The following OTC variants were observed in gnomAD, a reference collection of about 807,000 sequenced individuals.
OTC encodes ornithine transcarbamylase.
OTC carries 3 observed loss-of-function variants against 30.3 expected under a neutral mutation model. That is an observed-to-expected ratio of 0.10 (90% CI 0.05 to 0.26). OTC has a LOEUF of 0.26. Among genes scored for constraint, OTC ranks in the 10% least tolerant of loss-of-function variants. The pLI is 1.00. For missense variants in OTC, 194 were observed against 260.3 expected (o/e 0.75, Z 1.75); for synonymous variants, 111 against 99.7 (o/e 1.11, Z -0.67).
At chrX:38,383,669 A>C (rs906854933) in intron 4 of OTC, among the ~76,000 whole-genome samples, 3 of 110,972 alleles carry the variant, frequency 2.7e-5, no homozygotes, top group African/African-American at 6.6e-5. Context: ...GTGGTGGCGC[A>C]TGCCTGTAAT....
chrX:38,332,740 A>G, the OTC span, among the ~76,000 whole-genome samples: 1 of 108,449 alleles, frequency 9.2e-6, no homozygotes, highest in African/African-American at 3.3e-5. Context: ...GCTTAACACA[A>G]AGAAGTTTCT....
chrX:38,365,858 C>T (rs1432041760), intron 1 of OTC, among the ~76,000 whole-genome samples: 1 of 112,035 alleles, frequency 8.9e-6, no homozygotes, highest in African/African-American at 3.3e-5. Context: ...ATAAAAAAGA[C>T]CTAGCATGGT....
chrX:38,366,814 A>C (rs755970079), intron 1 of OTC, among the ~76,000 whole-genome samples: 4 of 111,949 alleles, frequency 3.6e-5, no homozygotes, highest in African/African-American at 1.3e-4. Context: ...GGACATACAA[A>C]ATATAAACCA....
At chrX:38,405,106 T>C (rs2068509501) in intron 6 of OTC, among the ~76,000 whole-genome samples, 1 of 110,569 alleles carries the variant, frequency 9.0e-6, no homozygotes, top group Non-Finnish European at 1.9e-5. Context: ...ACACTGAAAC[T>C]GGGGAAGGGA....
At chrX:38,392,647 A>G (rs761671316) in intron 4 of OTC, among the ~76,000 whole-genome samples, 1 of 112,366 alleles carries the variant, frequency 8.9e-6, no homozygotes, top group Non-Finnish European at 1.9e-5. Flanking sequence ...CTAATTGTCT[A>G]GTTAAGTGTC....
At chrX:38,337,038 C>T in the OTC span, among the ~76,000 whole-genome samples, 1 of 111,629 alleles carries the variant, frequency 9.0e-6, no homozygotes, top group Admixed American at 9.5e-5. Context: ...CGTTGGAAAG[C>T]CCCTTTATCT....
intron 6 of OTC, 122 bp from the exon 7 acceptor site, chrX:38,408,620 C>A: frequency 2.0e-6 from 1 of 502,603 alleles, no homozygotes; most frequent in Non-Finnish European, 3.4e-6. Context: ...TTCTACTGAA[C>A]ATGGTGGGAC....
At chrX:38,368,984 T>A (rs1337972508) in intron 2 of OTC, among the ~76,000 whole-genome samples, 1 of 109,348 alleles carries the variant, frequency 9.1e-6, no homozygotes, top group Non-Finnish European at 1.9e-5. Flanking sequence ...TGTTTTCAAA[T>A]GACTTCCAGA....
intron 9 of OTC, among the ~76,000 whole-genome samples, chrX:38,416,046 C>T (rs1466725976): frequency 9.0e-6 from 1 of 111,695 alleles, no homozygotes; most frequent in East Asian, 2.8e-4. Context: ...GGAATAATTT[C>T]CACGCATGCA....
At chrX:38,346,261 A>G in the OTC span, among the ~76,000 whole-genome samples, 2 of 112,403 alleles carry the variant, frequency 1.8e-5, no homozygotes. Flanking sequence ...TTTGTACTAC[A>G]TAACTGTTGG....
chrX:38,330,967 G>A, the OTC span, among the ~76,000 whole-genome samples: 5 of 111,821 alleles, frequency 4.5e-5, no homozygotes, highest in Non-Finnish European at 7.5e-5. Flanking sequence ...ACTATGTCTG[G>A]TACATAGCTT....
intron 3 of OTC, among the ~76,000 whole-genome samples, chrX:38,376,919 G>A (rs1371660675): frequency 8.9e-6 from 1 of 111,876 alleles, no homozygotes; most frequent in Non-Finnish European, 1.9e-5. Context: ...CTTCAGCATT[G>A]GACAAATAAT....
At position 38,376,922 on chromosome X, in the gene OTC, C is replaced by A. The variant is rs775760201; in HGVS notation, c.299-4420C>A. Among the ~76,000 whole-genome samples, 182 of 112,049 alleles carry A rather than the reference C, an allele frequency of 1.6e-3. 2 individuals are homozygous for A. The highest frequency in any genetic ancestry group is 2.7e-3 in the Admixed American group (29 of 10,548). On this transcript the variant is annotated intron_variant, in intron 3 of 9. Coordinates refer to ENST00000039007, the MANE Select transcript of OTC (RefSeq NM_000531.6). ...TCAACGCTCCACCTTCAGCATTGGACAAATAATCCAGACTGAAAATCAACA... is the reference window on the plus strand; with the variant it reads ...TCAACGCTCCACCTTCAGCATTGGAAAAATAATCCAGACTGAAAATCAACA...
chrX:38,390,381 A>T (rs1389469813), intron 4 of OTC, among the ~76,000 whole-genome samples: 1 of 112,325 alleles, frequency 8.9e-6, no homozygotes, highest in Non-Finnish European at 1.9e-5. Flanking sequence ...TACATTGGGG[A>T]TAGAGATTAA....
At chrX:38,344,144 TCAAA>T in the OTC span, among the ~76,000 whole-genome samples, 66 of 109,885 alleles carry the variant, frequency 6.0e-4, 1 homozygote, top group East Asian at 8.0e-3. Flanking sequence ...AGACTCTGTC[TCAAA>T]CAAACAAACA....
At chrX:38,395,543 A>G (rs5917591) in intron 4 of OTC, 25,613 of 135,210 alleles carry the variant, frequency 0.19, 1,987 homozygotes, top group Middle Eastern at 0.28. Flanking sequence ...TTTACACATA[A>G]AACGCTTCTT....
At chrX:38,409,087 A>G (rs2068530674) in intron 8 of OTC, 62 bp downstream of exon 8, 2 of 1,104,919 alleles carry the variant, frequency 1.8e-6, no homozygotes, top group Non-Finnish European at 2.5e-6. Context: ...GAACCATCTA[A>G]TCACTTATTC....
chrX:38,336,723 C>T, the OTC span, among the ~76,000 whole-genome samples: 1 of 109,821 alleles, frequency 9.1e-6, no homozygotes, highest in African/African-American at 3.3e-5. Flanking sequence ...TTCACCTGCC[C>T]GCACCCTGTT....
At chrX:38,361,482 A>G (rs1263359583) in intron 1 of OTC, among the ~76,000 whole-genome samples, 1 of 111,979 alleles carries the variant, frequency 8.9e-6, no homozygotes, top group East Asian at 2.8e-4. Flanking sequence ...AGTGGTTGTG[A>G]CAAAAAGGAT....
Sources: allele counts gnomAD v4.1 joint callset (sites outside exome capture counted in the v4.1 genomes callset), GRCh38; gene constraint gnomAD v4.1.1; transcripts MANE v1.5; gene names NCBI Gene and HGNC (gene_info 2026-07-23, HGNC 2026-07-21).